The following NBEA variants were observed in gnomAD, a reference collection of about 807,000 sequenced individuals.
NBEA encodes the protein lysosomal-trafficking regulator 2.
Under a neutral mutation model 343.4 loss-of-function variants are expected in NBEA, and 44 were observed. That is an observed-to-expected ratio of 0.13 (90% CI 0.10 to 0.16). The LOEUF (loss-of-function observed/expected upper bound fraction) is 0.16, where lower values mean the gene tolerates loss of function less well. Among genes scored for constraint, NBEA ranks in the 10% least tolerant of loss-of-function variants. The pLI is 1.00. For synonymous variants in NBEA, 1,175 were observed against 1,238.7 expected (o/e 0.95, Z 1.08); for missense variants, 2,555 against 3,631.3 (o/e 0.70, Z 7.62).
chr13:35,669,513 T>C (rs1032118129), intron 58 of NBEA, among the ~76,000 whole-genome samples: 9 of 152,228 alleles, frequency 5.9e-5, no homozygotes. Flanking sequence ...AAAGGATGTT[T>C]GGTCTGCAGC....
intron 49 of NBEA, among the ~76,000 whole-genome samples, chr13:35,636,846 A>G (rs1312466390): frequency 6.6e-6 from 1 of 152,248 alleles, no homozygotes; most frequent in Non-Finnish European, 1.5e-5. Flanking sequence ...ATCTGCTAAA[A>G]TCTTCGCTTC....
At chr13:35,507,329 T>C (rs2077107910) in intron 41 of NBEA, among the ~76,000 whole-genome samples, 1 of 152,026 alleles carries the variant, frequency 6.6e-6, no homozygotes, top group Non-Finnish European at 1.5e-5. Flanking sequence ...CTTTTTACAA[T>C]TACTCTCCTG....
intron 1 of NBEA, among the ~76,000 whole-genome samples, chr13:34,992,222 A>ATG (rs552706153): frequency 0.27 from 33,376 of 121,660 alleles, 4,877 homozygotes; most frequent in Middle Eastern, 0.4. Flanking sequence ...GTGTGTGTAT[A>ATG]TGTGTGTGTG....
chr13:35,217,169 A>T (rs540026587), intron 33 of NBEA, among the ~76,000 whole-genome samples: 1 of 151,892 alleles, frequency 6.6e-6, no homozygotes, highest in Admixed American at 6.6e-5. Flanking sequence ...TTCCATCAAT[A>T]TGTCTCCTTC....
chr13:35,296,171 C>A (rs901239916), intron 35 of NBEA, among the ~76,000 whole-genome samples: 1 of 152,042 alleles, frequency 6.6e-6, no homozygotes, highest in Non-Finnish European at 1.5e-5. Flanking sequence ...GCAGGTGGAT[C>A]ATGAGTTCGG....
intron 10 of NBEA, among the ~76,000 whole-genome samples, chr13:35,082,921 A>C (rs4586297): frequency 0.68 from 103,555 of 151,764 alleles, 38,023 homozygotes; most frequent in Non-Finnish European, 0.81. Context: ...TCTTTAGTTT[A>C]ATTAGATCCC....
In NBEA at chr13:35,550,502, A is replaced by C; in HGVS notation, c.6611A>C (p.His2204Pro). Residue 2204 changes from histidine to proline, a missense_variant, in exon 42 of 59, where the codon CAC becomes CCC. By Grantham distance (77) the His-to-Pro change is moderately conservative. This residue lies in a region of NBEA where 246 missense variants were observed against 313.7 expected (regional missense o/e 0.78). Transcript: ENST00000379939. ...GTTCTTGCATACACTGAGGGACTTC[A>C]CGGAAAATGGATGTTCAGCGAGATA... is the stretch of plus-strand genomic sequence containing the variant. ...TKVLAYTEGL[H>P]GKWMFSEIRA... 6.2e-7 allele frequency: 1 copy of C among 1,612,802 alleles called. No homozygotes were observed. The highest frequency in any genetic ancestry group is 8.5e-7 in the Non-Finnish European group (1 of 1,179,012).
chr13:35,469,530 A>C (rs1386630935), intron 40 of NBEA, among the ~76,000 whole-genome samples: 1 of 152,192 alleles, frequency 6.6e-6, no homozygotes, highest in Non-Finnish European at 1.5e-5. Context: ...TTTAATTACC[A>C]CTTTAGATGG....
intron 1 of NBEA, among the ~76,000 whole-genome samples, chr13:35,025,174 TTTAA>T (rs1319165561): frequency 6.6e-6 from 1 of 152,200 alleles, no homozygotes; most frequent in Non-Finnish European, 1.5e-5. Context: ...AGCTCTTTAG[TTTAA>T]TTAAGTCCCA....
chr13:35,476,296 C>CCTGCTG (rs56240021), intron 41 of NBEA: 49,539 of 958,832 alleles, frequency 0.052, 2,555 homozygotes, highest in Admixed American at 0.11. Context: ...CGTTGGTTTC[C>CCTGCTG]CTGCTGCTGC....
At chr13:35,456,460 C>T (rs952225357) in intron 40 of NBEA, among the ~76,000 whole-genome samples, 1 of 151,926 alleles carries the variant, frequency 6.6e-6, no homozygotes, top group Non-Finnish European at 1.5e-5. Context: ...TAGTGATTCA[C>T]CAAAGTGAAT....
At chr13:35,209,822 G>A (rs576947791) in intron 32 of NBEA, among the ~76,000 whole-genome samples, 1 of 152,138 alleles carries the variant, frequency 6.6e-6, no homozygotes, top group South Asian at 2.1e-4. Flanking sequence ...TAAGTAGAAT[G>A]TACTCTATTA....
rs980863527 is a variant in NBEA, at chr13:35,409,627, A to C, written c.6180-22642A>C. On this transcript the variant is annotated intron_variant, in intron 38 of 58. Transcript: ENST00000379939. ...TATGTAACTAATAATAAGTTATCATACTTTAACCAAATGGTTCTACCTGTT... is the reference window on the plus strand; with the variant it reads ...TATGTAACTAATAATAAGTTATCATCCTTTAACCAAATGGTTCTACCTGTT... Among the ~76,000 whole-genome samples the C allele has an allele frequency of 7.9e-5, 12 of 152,202 alleles. No individual in the cohort carries two copies. In the East Asian group the frequency reaches 2.3e-3, roughly 29 times the overall value.
At chr13:34,981,819 A>G (rs1478704662) in intron 1 of NBEA, among the ~76,000 whole-genome samples, 1 of 151,746 alleles carries the variant, frequency 6.6e-6, no homozygotes, top group Non-Finnish European at 1.5e-5. Flanking sequence ...GTGTTTTGCA[A>G]GGGATTTATT....
At chr13:35,278,225 A>G (rs1314810230) in intron 34 of NBEA, among the ~76,000 whole-genome samples, 1 of 151,508 alleles carries the variant, frequency 6.6e-6, no homozygotes. Flanking sequence ...GTGTAGAAAG[A>G]ATAGATTGTA....
rs138548837 is a variant in NBEA, at chr13:35,352,341, C to T, written c.6179+18C>T. Reference sequence around the variant, plus strand: ...TCTCATAGGTGAGTTATAATAAATTCGAGTAAATAATAATTCATAGGTTAA... The same window carrying T: ...TCTCATAGGTGAGTTATAATAAATTTGAGTAAATAATAATTCATAGGTTAA... On this transcript the variant is annotated intron_variant, in intron 38 of 58. Transcript: ENST00000379939. 778 of 1,359,070 alleles carry T rather than the reference C, an allele frequency of 5.7e-4. 2 individuals are homozygous for T. Among genetic ancestry groups the T allele is most frequent in the African/African-American group, 4.5e-3 (306 of 67,724 alleles). The allele number at this position is 1,359,070 out of a possible 1,614,324, so 84.2% of individuals were successfully genotyped here.
At chr13:35,474,733 T>G in intron 41 of NBEA, 1 of 248,378 alleles carries the variant, frequency 4.0e-6, no homozygotes, top group Non-Finnish European at 7.8e-6. Flanking sequence ...AATCCTTTGA[T>G]AGTTAGGCAG....
Position 35,254,347 on chromosome 13 carries a change from CAG to C in NBEA, c.5776+21729_5776+21730del, listed in dbSNP as rs2032335654. ...TACTTTTTTTTTTTTTTTTTTGAGA[CAG>C]GGTCTTACTCTGTTAACAGGCTGGA... On this transcript the variant is annotated intron_variant, in intron 34 of 58. Transcript: ENST00000379939. 3.0e-5 allele frequency among the ~76,000 whole-genome samples: 4 copies of C among 132,940 alleles called. No homozygotes were observed. In the Admixed American group the frequency reaches 3.3e-4, roughly 11 times the overall value. The allele number at this position is 132,940 out of a possible 152,430, so 87.2% of individuals were successfully genotyped here.
At chr13:35,150,140 A>T (rs2068684919) in intron 18 of NBEA, among the ~76,000 whole-genome samples, 2 of 152,254 alleles carry the variant, frequency 1.3e-5, no homozygotes, top group Non-Finnish European at 2.9e-5. Flanking sequence ...ACCTCTGACC[A>T]ATTTTAGTAA....
Sources: allele counts gnomAD v4.1 joint callset (sites outside exome capture counted in the v4.1 genomes callset), GRCh38; gene constraint gnomAD v4.1.1; regional missense constraint gnomAD v4.1.1; transcripts MANE v1.5; gene names NCBI Gene and HGNC (gene_info 2026-07-23, HGNC 2026-07-21).